AGMO: variants seen among roughly 807,000 people sequenced by gnomAD.
The protein encoded by AGMO is glyceryl-ether monooxygenase.
A neutral mutation model predicts 60.2 loss-of-function variants in AGMO; 75 were observed. The ratio of observed to expected loss-of-function variants is 1.25; its 90% CI spans 1.03 to 1.51. The LOEUF is 1.51. AGMO is among the 40% of genes most tolerant of loss of function. The pLI is 0.00. For missense variants in AGMO, 763 were observed against 525.5 expected (o/e 1.45, Z -4.42); for synonymous variants, 261 against 177.1 (o/e 1.47, Z -3.76).
At chr7:15,463,624 C>T (rs58428751) in intron 3 of AGMO, among the ~76,000 whole-genome samples, 27,994 of 152,020 alleles carry the variant, frequency 0.18, 3,646 homozygotes, top group East Asian at 0.61. Context: ...TCCCCTTCCT[C>T]AAGAAGTACA....
At chr7:15,363,912 C>T (rs980857899) in intron 12 of AGMO, among the ~76,000 whole-genome samples, 3 of 151,648 alleles carry the variant, frequency 2.0e-5, no homozygotes, top group Admixed American at 6.6e-5. Context: ...TGTTAAAGTG[C>T]CATTTTCTTT....
the AGMO span, among the ~76,000 whole-genome samples, chr7:15,176,212 A>T: frequency 6.6e-6 from 1 of 151,988 alleles, no homozygotes; most frequent in Non-Finnish European, 1.5e-5. Flanking sequence ...CTTTTATGTG[A>T]TTGCAGCATC....
At chr7:15,323,026 G>A (rs1464312939) in intron 12 of AGMO, among the ~76,000 whole-genome samples, 1 of 137,826 alleles carries the variant, frequency 7.3e-6, no homozygotes, top group Non-Finnish European at 1.6e-5. Flanking sequence ...AATTTTGTAG[G>A]TCGTTATGTA....
intron 5 of AGMO, among the ~76,000 whole-genome samples, chr7:15,406,228 T>TAC (rs61400312): frequency 0.049 from 6,715 of 136,352 alleles, 237 homozygotes; most frequent in African/African-American, 0.1. Context: ...TTGTTTGGAA[T>TAC]ACACACACAC....
chr7:15,164,673 G>T, the AGMO span, among the ~76,000 whole-genome samples: 14 of 151,844 alleles, frequency 9.2e-5, no homozygotes, highest in Non-Finnish European at 1.8e-4. Flanking sequence ...TCAGAGAAAT[G>T]CAAGTTTAAA....
intron 5 of AGMO, among the ~76,000 whole-genome samples, chr7:15,394,646 T>G (rs1228855181): frequency 2.0e-5 from 3 of 152,342 alleles, no homozygotes; most frequent in African/African-American, 7.2e-5. Context: ...CAACTATAGC[T>G]TTATTTACGG....
At chr7:15,422,398 T>C (rs920681737) in intron 4 of AGMO, among the ~76,000 whole-genome samples, 1 of 151,606 alleles carries the variant, frequency 6.6e-6, no homozygotes, top group Non-Finnish European at 1.5e-5. Context: ...AAAAAAACAG[T>C]AAGGTAAGAG....
At chr7:15,281,465 T>C (rs1200805194) in intron 12 of AGMO, among the ~76,000 whole-genome samples, 2 of 152,014 alleles carry the variant, frequency 1.3e-5, no homozygotes, top group Non-Finnish European at 1.5e-5. Context: ...ACTTGGAAAA[T>C]CAACATTCCT....
intron 12 of AGMO, among the ~76,000 whole-genome samples, chr7:15,293,006 G>T (rs532048488): frequency 2.6e-5 from 4 of 151,832 alleles, no homozygotes; most frequent in Admixed American, 2.0e-4. Context: ...CAGGTGATCA[G>T]CCCTACTTGG....
intron 3 of AGMO, among the ~76,000 whole-genome samples, chr7:15,448,736 T>C (rs990978882): frequency 3.3e-5 from 5 of 151,916 alleles, no homozygotes; most frequent in South Asian, 2.1e-4. Flanking sequence ...TTCTAAAAGA[T>C]GGAAGAAAGA....
chr7:15,560,348 C>T (rs547961749), intron 1 of AGMO, 77 bp from the exon 2 acceptor site: 1,455 of 1,499,470 alleles, frequency 9.7e-4, no homozygotes, highest in Non-Finnish European at 1.2e-3. Flanking sequence ...TTAGTCATTT[C>T]AGAATTGAAA....
chr7:15,348,108 A>C (rs1782100049), intron 12 of AGMO, among the ~76,000 whole-genome samples: 1 of 152,020 alleles, frequency 6.6e-6, no homozygotes, highest in African/African-American at 2.4e-5. Context: ...TAATGGTAAT[A>C]TTGTATCAGA....
chr7:15,524,601 G>T (rs1370090336), intron 3 of AGMO, among the ~76,000 whole-genome samples: 2 of 152,078 alleles, frequency 1.3e-5, no homozygotes, highest in Non-Finnish European at 1.5e-5. Flanking sequence ...ACTGGCTCAT[G>T]CCTGTAATCC....
intron 12 of AGMO, among the ~76,000 whole-genome samples, chr7:15,224,226 T>C (rs565485562): frequency 3.3e-5 from 5 of 152,066 alleles, no homozygotes; most frequent in African/African-American, 1.2e-4. Flanking sequence ...TCAGCAACCA[T>C]ATACTCTAGC....
chr7:15,357,329 A>C (rs1310605103), intron 12 of AGMO, among the ~76,000 whole-genome samples: 1 of 152,058 alleles, frequency 6.6e-6, no homozygotes, highest in African/African-American at 2.4e-5. Context: ...GTAGCCAGAT[A>C]AACAGTTGAA....
chr7:15,445,551 T>A (rs184670527), intron 3 of AGMO, among the ~76,000 whole-genome samples: 142 of 152,274 alleles, frequency 9.3e-4, no homozygotes, highest in African/African-American at 3.1e-3. Flanking sequence ...ATTAAGCTTA[T>A]CCCATGATAA....
intron 3 of AGMO, among the ~76,000 whole-genome samples, chr7:15,531,441 CTA>C (rs1176122782): frequency 2.0e-5 from 1 of 50,644 alleles, no homozygotes; most frequent in Non-Finnish European, 3.2e-5. Flanking sequence ...TATATATATT[CTA>C]TATATATTCT....
At chr7:15,189,052 A>C in the AGMO span, among the ~76,000 whole-genome samples, 50 of 152,318 alleles carry the variant, frequency 3.3e-4, no homozygotes, top group African/African-American at 1.2e-3. Context: ...AGTCTTTTAA[A>C]AAGTTGGGGA....
the AGMO span, among the ~76,000 whole-genome samples, chr7:15,183,123 A>G: frequency 2.7e-5 from 2 of 73,426 alleles, no homozygotes; most frequent in African/African-American, 1.1e-4. Flanking sequence ...CTTTTGTTCA[A>G]GTATACTTTT....
Sources: allele counts gnomAD v4.1 joint callset (sites outside exome capture counted in the v4.1 genomes callset), GRCh38; gene constraint gnomAD v4.1.1; transcripts MANE v1.5; gene names NCBI Gene and HGNC (gene_info 2026-07-23, HGNC 2026-07-21).